Variants in GPC6 observed in about 807,000 individuals in gnomAD.
GPC6 encodes glypican 6, also known as glypican-6.
Under a neutral mutation model 55.2 loss-of-function variants are expected in GPC6, and 14 were observed. The observed-to-expected ratio is 0.25, with a 90% CI of 0.17 to 0.40. GPC6 has a LOEUF of 0.40. GPC6 is among the 10% of genes least tolerant of loss of function. The pLI is 1.00. For missense variants in GPC6, 641 were observed against 708.5 expected, an observed-to-expected ratio of 0.90 and a Z score of 1.08; for synonymous variants, 278 against 259.6, an observed-to-expected ratio of 1.07 and a Z score of -0.68.
rs150620098 is a variant in GPC6 at position 93,571,850 on chromosome 13, A to G, written c.319+26429A>G. Among the ~76,000 whole-genome samples the G allele has an allele frequency of 4.3e-3, 649 of 152,142 alleles. 3 individuals are homozygous for G. The highest frequency in any genetic ancestry group is 0.012 in the South Asian group (58 of 4,820). On this transcript the variant is annotated intron_variant, in intron 2 of 8. Coordinates refer to ENST00000377047, the MANE Select transcript of GPC6 (RefSeq NM_005708.5). ...GATAATTTTCTGGTGAACGAGCACA[A>G]TGGTCCATTTTATTCACAAATTAAA... is the stretch of plus-strand genomic sequence containing the variant.
chr13:94,102,405 A>G (rs1434861643), intron 4 of GPC6, among the ~76,000 whole-genome samples: 3 of 151,746 alleles, frequency 2.0e-5, no homozygotes, highest in East Asian at 3.9e-4. Flanking sequence ...CCAGGGGCCT[A>G]CTTTTAAGAC....
chr13:93,231,380 C>CGT (rs1425340599), intron 1 of GPC6, among the ~76,000 whole-genome samples: 39 of 30,928 alleles, frequency 1.3e-3, no homozygotes, highest in African/African-American at 4.5e-3. Flanking sequence ...TATATATATA[C>CGT]ATATATATAT....
chr13:93,600,521 A>C (rs1877961535), intron 2 of GPC6, among the ~76,000 whole-genome samples: 1 of 152,188 alleles, frequency 6.6e-6, no homozygotes, highest in Non-Finnish European at 1.5e-5. Flanking sequence ...TCCAGAAAAA[A>C]GTTACAAAGG....
At chr13:93,348,843 T>A (rs992757873) in intron 1 of GPC6, among the ~76,000 whole-genome samples, 5 of 152,322 alleles carry the variant, frequency 3.3e-5, no homozygotes, top group African/African-American at 1.2e-4. Context: ...CTTAGTTTGG[T>A]CTTTTATTTC....
At chr13:93,849,640 A>G (rs1313465863) in intron 3 of GPC6, among the ~76,000 whole-genome samples, 4 of 152,208 alleles carry the variant, frequency 2.6e-5, no homozygotes, top group Non-Finnish European at 5.9e-5. Flanking sequence ...TCCATAGTTA[A>G]TGGAGCAACT....
intron 4 of GPC6, among the ~76,000 whole-genome samples, chr13:94,188,710 C>T (rs1889285278): frequency 6.6e-6 from 1 of 152,156 alleles, no homozygotes; most frequent in Non-Finnish European, 1.5e-5. Context: ...CTGCTCACCT[C>T]TGTCCCCTTC....
chr13:94,141,261 T>C (rs965865923), intron 4 of GPC6, among the ~76,000 whole-genome samples: 16 of 152,182 alleles, frequency 1.1e-4, no homozygotes, highest in Non-Finnish European at 5.9e-5. Flanking sequence ...CAGAGATTCT[T>C]TAATTTGCAG....
intron 1 of GPC6, among the ~76,000 whole-genome samples, chr13:93,368,085 C>G (rs183935640): frequency 7.8e-4 from 119 of 152,134 alleles, no homozygotes; most frequent in African/African-American, 2.8e-3. Context: ...TGTCCTTTTG[C>G]TTCAAATACT....
intron 4 of GPC6, among the ~76,000 whole-genome samples, chr13:94,172,714 T>C (rs1292231983): frequency 6.6e-6 from 1 of 152,208 alleles, no homozygotes; most frequent in Non-Finnish European, 1.5e-5. Flanking sequence ...ATCTTAGTTT[T>C]AGAAGCTGAA....
intron 1 of GPC6, among the ~76,000 whole-genome samples, chr13:93,263,814 T>A (rs1265315502): frequency 6.6e-6 from 1 of 152,224 alleles, no homozygotes; most frequent in Non-Finnish European, 1.5e-5. Flanking sequence ...AAAGTGGGAA[T>A]GTATCTCTAA....
At chr13:94,020,436 G>A (rs958111431) in intron 3 of GPC6, among the ~76,000 whole-genome samples, 1 of 152,126 alleles carries the variant, frequency 6.6e-6, no homozygotes, top group Non-Finnish European at 1.5e-5. Context: ...TCTTGACTAA[G>A]TGCTCTTCTG....
chr13:93,782,248 A>G (rs866219030), intron 2 of GPC6, among the ~76,000 whole-genome samples: 2 of 152,182 alleles, frequency 1.3e-5, no homozygotes, highest in African/African-American at 4.8e-5. Flanking sequence ...ATGTTGACCC[A>G]TAAATGACAG....
intron 4 of GPC6, among the ~76,000 whole-genome samples, chr13:94,048,154 T>C (rs990799787): frequency 2.6e-5 from 4 of 151,882 alleles, no homozygotes; most frequent in Non-Finnish European, 4.4e-5. Flanking sequence ...AGACTATGAA[T>C]GAGTGGGAAA....
intron 2 of GPC6, among the ~76,000 whole-genome samples, chr13:93,797,298 T>A (rs962509071): frequency 7.9e-5 from 12 of 152,212 alleles, no homozygotes; most frequent in Admixed American, 6.5e-4. Context: ...TAATTTCTTA[T>A]GAATGATAGG....
intron 4 of GPC6, among the ~76,000 whole-genome samples, chr13:94,194,540 G>C (rs1213128092): frequency 6.6e-6 from 1 of 152,140 alleles, no homozygotes; most frequent in Non-Finnish European, 1.5e-5. Flanking sequence ...TCATAAGTGG[G>C]GGCTAAGCTA....
At chr13:94,203,261 A>T (rs980439249) in intron 4 of GPC6, among the ~76,000 whole-genome samples, 1 of 150,190 alleles carries the variant, frequency 6.7e-6, no homozygotes, top group African/African-American at 2.4e-5. Flanking sequence ...TGTTACCTTT[A>T]AAAAAAAATA....
chr13:94,158,513 G>A (rs1888038628), intron 4 of GPC6, among the ~76,000 whole-genome samples: 2 of 152,076 alleles, frequency 1.3e-5, no homozygotes, highest in Admixed American at 1.3e-4. Context: ...CCAAGGATAA[G>A]CATTCAAAAT....
chr13:94,341,854 C>A (rs1878058166), intron 6 of GPC6, among the ~76,000 whole-genome samples: 1 of 152,064 alleles, frequency 6.6e-6, no homozygotes. Context: ...TTAGGACTGA[C>A]AATAGAAATC....
intron 4 of GPC6, among the ~76,000 whole-genome samples, chr13:94,144,538 T>G (rs1208422708): frequency 1.6e-5 from 1 of 61,892 alleles, no homozygotes; most frequent in African/African-American, 8.1e-5. Context: ...TCTTTGGGAG[T>G]GTGTGTGTAT....
Sources: gnomAD v4.1 joint callset for allele counts (sites outside exome capture counted in the v4.1 genomes callset) on GRCh38, gnomAD v4.1.1 for gene constraint, MANE v1.5 for transcripts, NCBI Gene and HGNC (gene_info 2026-07-23, HGNC 2026-07-21) for gene names.